DPP8: variants seen among roughly 807,000 people sequenced by gnomAD.
The protein encoded by DPP8 is DPP VIII.
In DPP8, 31 loss-of-function variants were observed where a neutral mutation model predicts 107.5. The ratio of observed to expected loss-of-function variants is 0.29; its 90% CI spans 0.22 to 0.39. DPP8 has a LOEUF of 0.39. Ranked by LOEUF, DPP8 falls within the 10% of genes least tolerant of loss-of-function variation. DPP8 has a pLI of 1.00. For synonymous variants in DPP8, 381 were observed against 356.6 expected (o/e 1.07, Z -0.77); for missense variants, 842 against 1,076.1 (o/e 0.78, Z 3.04).
intron 10 of DPP8, among the ~76,000 whole-genome samples, chr15:65,479,697 A>G (rs2066721826): frequency 1.3e-5 from 2 of 150,772 alleles, no homozygotes; most frequent in African/African-American, 2.4e-5. Context: ...ACAAAAAATT[A>G]GCCGGGCGCG....
intron 16 of DPP8, among the ~76,000 whole-genome samples, 193 bp downstream of exon 16, chr15:65,456,032 G>C (rs1304305524): frequency 1.3e-5 from 2 of 152,108 alleles, no homozygotes; most frequent in Non-Finnish European, 2.9e-5. Flanking sequence ...CTCTATCTCA[G>C]TTCCCCAAAG....
At chr15:65,492,665 G>A (rs1001711171) in intron 5 of DPP8, among the ~76,000 whole-genome samples, 3 of 151,388 alleles carry the variant, frequency 2.0e-5, no homozygotes, top group Non-Finnish European at 4.4e-5. Flanking sequence ...GTGAGATCTC[G>A]GGTCACTGCA....
chr15:65,507,462 C>T (rs1478432043), intron 2 of DPP8, 107 bp from the exon 3 acceptor site: 1 of 614,466 alleles, frequency 1.6e-6, no homozygotes, highest in East Asian at 3.0e-5. Flanking sequence ...ATTTTGCACT[C>T]TATGGGATAT....
chr15:65,489,413 C>CT (rs71924792), intron 6 of DPP8, among the ~76,000 whole-genome samples: 6 of 104,260 alleles, frequency 5.8e-5, no homozygotes, highest in African/African-American at 1.1e-4. Flanking sequence ...ATATAATCTA[C>CT]TTTTTTTTTT....
At chr15:65,462,593 A>G (rs1008498019) in intron 15 of DPP8, among the ~76,000 whole-genome samples, 5 of 152,000 alleles carry the variant, frequency 3.3e-5, no homozygotes, top group East Asian at 1.9e-4. Flanking sequence ...CAAAATATAT[A>G]TATTTTGGAC....
In DPP8 at chr15:65,451,944, A is replaced by G; in HGVS notation, c.2414+16T>C. 1 of 1,567,236 alleles carries G rather than the reference A, an allele frequency of 6.4e-7. No individual in the cohort carries two copies. The highest frequency in any genetic ancestry group is 2.1e-5 in the Admixed American group (1 of 46,868). On this transcript the variant is annotated intron_variant, in intron 18 of 19. Transcript: ENST00000300141. ...TGTCTCAATTTAAAAAAAAAAAAAA[A>G]AAAGCTTGCACTTACTCAGAGGGGA... is the stretch of plus-strand genomic sequence containing the variant.
chr15:65,499,830 T>A (rs540599836), intron 4 of DPP8, among the ~76,000 whole-genome samples: 2 of 152,298 alleles, frequency 1.3e-5, no homozygotes, highest in African/African-American at 4.8e-5. Context: ...CCTCCCAAAG[T>A]GCTGGAATTA....
At chr15:65,516,297 A>T (rs1234490624) in intron 1 of DPP8, 1 of 152,670 alleles carries the variant, frequency 6.6e-6, no homozygotes, top group Non-Finnish European at 1.5e-5. Context: ...TAATAACTTA[A>T]GACTTTTCAC....
chr15:65,473,491 A>G (rs1426701075), intron 12 of DPP8, among the ~76,000 whole-genome samples: 1 of 152,020 alleles, frequency 6.6e-6, no homozygotes, highest in African/African-American at 2.4e-5. Context: ...AATATATATG[A>G]GACCCTGTCT....
At chr15:65,515,659 A>G (rs1276448123) in intron 1 of DPP8, 1 of 1,613,866 alleles carries the variant, frequency 6.2e-7, no homozygotes, top group South Asian at 1.1e-5. Context: ...TGCCTACCTG[A>G]TTTTATTTTC....
intron 15 of DPP8, among the ~76,000 whole-genome samples, chr15:65,463,033 T>C (rs1275001842): frequency 6.6e-6 from 1 of 152,208 alleles, no homozygotes; most frequent in Admixed American, 6.5e-5. Context: ...TTAATTTGCT[T>C]GAGAGACACA....
At chr15:65,515,152 A>T (rs1596175099) in intron 1 of DPP8, among the ~76,000 whole-genome samples, 3 of 152,244 alleles carry the variant, frequency 2.0e-5, no homozygotes, top group African/African-American at 7.2e-5. Flanking sequence ...CTAATTTTTT[A>T]AAACTTTTTT....
rs1301895453 is a variant in DPP8 at position 65,443,887 on chromosome 15, GT to G, written c.*2996del. 2.6e-5 allele frequency: 4 copies of G among 152,244 alleles called. No homozygotes were observed. In the East Asian group the frequency reaches 7.7e-4, roughly 29 times the overall value. The allele number at this position is 152,244 out of a possible 1,614,324, so 9.4% of individuals were successfully genotyped here. On this transcript the variant is annotated 3_prime_UTR_variant, in exon 20 of 20. Transcript: ENST00000300141. ...CTTGTTAGAAATGCACATTCCTGGT[GT>G]CTACCCAAATCAATGGAATACAAAT... is the stretch of plus-strand genomic sequence containing the variant.
intron 4 of DPP8, among the ~76,000 whole-genome samples, chr15:65,500,032 A>G (rs1315421077): frequency 6.6e-6 from 1 of 152,090 alleles, no homozygotes; most frequent in Non-Finnish European, 1.5e-5. Flanking sequence ...AGTATCTGGG[A>G]TTAAAGGTGT....
chr15:65,502,469 G>A (rs1685248753), intron 3 of DPP8, among the ~76,000 whole-genome samples: 1 of 152,044 alleles, frequency 6.6e-6, no homozygotes, highest in Admixed American at 6.6e-5. Flanking sequence ...CCCGTGGTCA[G>A]GAGTTCAAAT....
chr15:65,503,434 TTTTC>T (rs1381817894), intron 3 of DPP8, among the ~76,000 whole-genome samples: 5 of 150,982 alleles, frequency 3.3e-5, no homozygotes, highest in East Asian at 2.0e-4. Flanking sequence ...TTGATTACTT[TTTTC>T]TTTCTTTTCT....
intron 6 of DPP8, among the ~76,000 whole-genome samples, chr15:65,488,266 T>C (rs545571239): frequency 2.4e-4 from 37 of 152,196 alleles, no homozygotes; most frequent in Non-Finnish European, 4.1e-4. Flanking sequence ...TAAAATAAAA[T>C]GTCCAAATCC....
At chr15:65,485,565 GAAAA>G (rs1385726565) in intron 7 of DPP8, among the ~76,000 whole-genome samples, 2 of 125,248 alleles carry the variant, frequency 1.6e-5, no homozygotes, top group Non-Finnish European at 1.7e-5. Context: ...AAAAAAAAAA[GAAAA>G]GAAAGAAAGA....
chr15:65,499,096 T>TGC (rs1259374746), intron 4 of DPP8, among the ~76,000 whole-genome samples: 1 of 134,712 alleles, frequency 7.4e-6, no homozygotes, highest in African/African-American at 2.8e-5. Context: ...TGTGTGTGTG[T>TGC]GTGTGTGTGT....
Sources: allele counts gnomAD v4.1 joint callset (sites outside exome capture counted in the v4.1 genomes callset), GRCh38; gene constraint gnomAD v4.1.1; transcripts MANE v1.5; gene names NCBI Gene and HGNC (gene_info 2026-07-23, HGNC 2026-07-21).